PRKN: variants seen among roughly 807,000 people sequenced by gnomAD.
The protein encoded by PRKN is E3 ubiquitin-protein ligase parkin.
PRKN carries 56 observed loss-of-function variants against 59.5 expected under a neutral mutation model. The observed-to-expected ratio is 0.94, with a 90% CI of 0.76 to 1.18. The LOEUF (loss-of-function observed/expected upper bound fraction) is 1.18. Ranked by LOEUF, PRKN falls within the 50% of genes most tolerant of loss-of-function variation. PRKN has a pLI of 0.00. For missense variants in PRKN, 657 were observed against 596.4 expected, an observed-to-expected ratio of 1.10 and a Z score of -1.06; for synonymous variants, 250 against 222.1, an observed-to-expected ratio of 1.13 and a Z score of -1.12.
intron 4 of PRKN, 44 bp from the exon 5 acceptor site, chr6:162,054,218 G>A: frequency 9.1e-7 from 1 of 1,100,558 alleles, no homozygotes; most frequent in Non-Finnish European, 1.4e-6. Context: ...AGTTATAATA[G>A]AAATGTACTC....
rs1779805705 is a variant in PRKN at position 161,946,944 on chromosome 6, T to C, written c.734+26358A>G. On this transcript the variant is annotated intron_variant, in intron 6 of 11. Transcript: ENST00000366898. ...AATGTAAAAAGCGCGTTGCAAAAGATGGGGAAATACCCAAATTGCTGAACA... is the reference window on the plus strand; with the variant it reads ...AATGTAAAAAGCGCGTTGCAAAAGACGGGGAAATACCCAAATTGCTGAACA... 2.6e-5 allele frequency among the ~76,000 whole-genome samples: 4 copies of C among 152,214 alleles called. No homozygotes were observed. The South Asian group carries it at 8.3e-4, about 32-fold the overall frequency.
In PRKN at chr6:162,424,738, GA is replaced by G. The variant is rs756618241; in HGVS notation, c.171+18571del. 1.4e-3 allele frequency among the ~76,000 whole-genome samples: 168 copies of G among 121,008 alleles called. 1 individual carries two copies. Among genetic ancestry groups the G allele is most frequent in the Middle Eastern group, 4.2e-3 (1 of 240 alleles). 79.4% of individuals were successfully genotyped at this position (121,008 alleles called of 152,430 possible). On this transcript the variant is annotated intron_variant, in intron 2 of 11. Coordinates refer to ENST00000366898, the MANE Select transcript of PRKN (RefSeq NM_004562.3). ...TGACAGAGCAAGACTCTGTCTCAAA[GA>G]AAAAAAAAAAAAAGAAAAGAAAAGA...
At chr6:162,565,181 G>A (rs1780006383) in intron 1 of PRKN, among the ~76,000 whole-genome samples, 1 of 152,104 alleles carries the variant, frequency 6.6e-6, no homozygotes, top group Admixed American at 6.6e-5. Flanking sequence ...TGCAATTGGT[G>A]TTAAGTTGTT....
At chr6:161,612,537 A>G (rs1008339403) in intron 7 of PRKN, among the ~76,000 whole-genome samples, 2 of 152,010 alleles carry the variant, frequency 1.3e-5, no homozygotes, top group Non-Finnish European at 2.9e-5. Flanking sequence ...CCTGGCCAAC[A>G]TGGTGAAACC....
intron 1 of PRKN, among the ~76,000 whole-genome samples, chr6:162,656,564 C>T (rs1778647932): frequency 6.6e-6 from 1 of 152,180 alleles, no homozygotes; most frequent in Non-Finnish European, 1.5e-5. Flanking sequence ...TGAATCTATC[C>T]CATTAGCACT....
chr6:161,552,462 C>A lies in PRKN; in HGVS notation c.934-3459G>T, dbSNP rs62436771. ...CTCCCTCAGCTCTGTTCACCTCCGC[C>A]TATGACTGTGAATGATCTCACGGTG... is the stretch of plus-strand genomic sequence containing the variant. On this transcript the variant is annotated intron_variant, in intron 8 of 11. Coordinates refer to ENST00000366898, the MANE Select transcript of PRKN (RefSeq NM_004562.3). This position sits in a 1 kb window ranked among gnomAD's most constrained non-coding sequence, Gnocchi z 4.9. Among the ~76,000 whole-genome samples, 50,146 of 117,442 alleles carry A rather than the reference C, an allele frequency of 0.43. 14,291 individuals carry two copies. The highest frequency in any genetic ancestry group is 0.65 in the East Asian group (2,431 of 3,736). 77.0% of individuals were successfully genotyped at this position (117,442 alleles called of 152,430 possible).
chr6:161,847,731 C>A (rs903507435), intron 6 of PRKN, among the ~76,000 whole-genome samples: 1 of 152,074 alleles, frequency 6.6e-6, no homozygotes, highest in African/African-American at 2.4e-5. Flanking sequence ...TAATTGTTGA[C>A]AAGACTCAGC....
chr6:161,922,767 G>T (rs1371591319), intron 6 of PRKN, among the ~76,000 whole-genome samples: 1 of 152,128 alleles, frequency 6.6e-6, no homozygotes, highest in Non-Finnish European at 1.5e-5. Flanking sequence ...TAAGAATAAA[G>T]AAGCCAGCAT....
At chr6:162,237,219 T>C (rs185445745) in intron 3 of PRKN, among the ~76,000 whole-genome samples, 8 of 152,238 alleles carry the variant, frequency 5.3e-5, no homozygotes, top group African/African-American at 1.4e-4. Context: ...GAAAGATAAA[T>C]TTAGCATGGA....
At chr6:161,714,005 C>A (rs1182370108) in intron 7 of PRKN, among the ~76,000 whole-genome samples, 1 of 152,152 alleles carries the variant, frequency 6.6e-6, no homozygotes, top group East Asian at 1.9e-4. Context: ...TGAGGCCTCC[C>A]CAGCCATGTG....
In PRKN at chr6:161,450,393, C is replaced by T. The variant is rs73785921; in HGVS notation, c.1084-63516G>A. 1.7e-3 allele frequency among the ~76,000 whole-genome samples: 260 copies of T among 152,328 alleles called. 1 individual carries two copies. Among genetic ancestry groups the T allele is most frequent in the African/African-American group, 5.9e-3 (247 of 41,574 alleles). The stretch of plus-strand genomic sequence containing the variant: ...TCTATTGTGAGAACTTCTGCCCTGC[C>T]GGCTGCCTCTGACATGCCACATGCA... On this transcript the variant is annotated intron_variant, in intron 9 of 11. Coordinates refer to ENST00000366898, the MANE Select transcript of PRKN (RefSeq NM_004562.3).
At chr6:162,284,466 C>T (rs1299824612) in intron 2 of PRKN, among the ~76,000 whole-genome samples, 1 of 151,888 alleles carries the variant, frequency 6.6e-6, no homozygotes, top group Non-Finnish European at 1.5e-5. Flanking sequence ...TCAGGTGATC[C>T]ACCTGCCTCG....
intron 6 of PRKN, among the ~76,000 whole-genome samples, chr6:161,874,026 T>TATA (rs796193822): frequency 0.021 from 289 of 14,002 alleles, 8 homozygotes; most frequent in Non-Finnish European, 0.022. Flanking sequence ...ATATGTAAAA[T>TATA]ATATATAAAA....
intron 4 of PRKN, among the ~76,000 whole-genome samples, chr6:162,169,698 C>G (rs953926975): frequency 2.0e-5 from 3 of 152,222 alleles, no homozygotes; most frequent in Admixed American, 6.5e-5. Context: ...AGCCTTAAGG[C>G]ATGTGCCACT....
intron 10 of PRKN, among the ~76,000 whole-genome samples, chr6:161,375,819 G>A (rs954785280): frequency 6.6e-6 from 1 of 152,332 alleles, no homozygotes; most frequent in African/African-American, 2.4e-5. Flanking sequence ...GGCCGAGCCC[G>A]AACGACGCGC....
chr6:161,818,127 G>T (rs185611570), intron 6 of PRKN, among the ~76,000 whole-genome samples: 205 of 152,244 alleles, frequency 1.3e-3, no homozygotes, highest in Non-Finnish European at 2.5e-3. Flanking sequence ...ATTAGATTGG[G>T]TAGGGGGAAA....
At chr6:162,137,268 T>C (rs1781592621) in intron 4 of PRKN, among the ~76,000 whole-genome samples, 1 of 152,208 alleles carries the variant, frequency 6.6e-6, no homozygotes, top group Admixed American at 6.5e-5. Flanking sequence ...AAGTCTGGAC[T>C]GAAATCATGA....
intron 4 of PRKN, among the ~76,000 whole-genome samples, chr6:162,126,037 C>G (rs948130034): frequency 6.6e-6 from 1 of 152,168 alleles, no homozygotes; most frequent in African/African-American, 2.4e-5. Context: ...ATTATGATGT[C>G]TAACAGATCA....
rs143836970 is a variant in PRKN, at chr6:161,809,101, A to C, written c.735-23193T>G. On this transcript the variant is annotated intron_variant, in intron 6 of 11. Coordinates refer to ENST00000366898, the MANE Select transcript of PRKN (RefSeq NM_004562.3). ...GGCAGTCCGCCCACCTCAGCCTCCC[A>C]AAGTACTGGGATTATAGGCATAAGC... 1.3e-4 allele frequency among the ~76,000 whole-genome samples: 20 copies of C among 152,318 alleles called. 1 individual carries two copies. In the East Asian group the frequency reaches 3.9e-3, roughly 29 times the overall value.
Sources: gnomAD v4.1 joint callset for allele counts (sites outside exome capture counted in the v4.1 genomes callset) on GRCh38, gnomAD v4.1.1 for gene constraint, Gnocchi (gnomAD v3.1) non-coding constraint, MANE v1.5 for transcripts, NCBI Gene and HGNC (gene_info 2026-07-23, HGNC 2026-07-21) for gene names.